Variants in CRYZL1 observed in about 807,000 individuals in gnomAD.
CRYZL1 encodes the protein crystallin zeta like 1.
CRYZL1 carries 34 observed loss-of-function variants against 50.6 expected under a neutral mutation model. That is an observed-to-expected ratio of 0.67 (90% CI 0.51 to 0.89). The LOEUF (loss-of-function observed/expected upper bound fraction) is 0.89. Among genes scored for constraint, CRYZL1 ranks in the 40% least tolerant of loss-of-function variants. The pLI is 0.00. For synonymous variants in CRYZL1, 125 were observed against 134.3 expected (o/e 0.93, Z 0.48); for missense variants, 354 against 402.3 (o/e 0.88, Z 1.03).
chr21:33,603,290 G>A, intron 7 of CRYZL1, 114 bp downstream of exon 7: 1 of 1,295,526 alleles, frequency 7.7e-7, no homozygotes, highest in Non-Finnish European at 1.1e-6. Context: ...TGGAAAAAAA[G>A]TCAATCAATA....
intron 4 of CRYZL1, among the ~76,000 whole-genome samples, chr21:33,619,536 C>T (rs1428442530): frequency 1.3e-5 from 2 of 152,130 alleles, no homozygotes; most frequent in Non-Finnish European, 2.9e-5. Context: ...TTTTATTCTG[C>T]AATATTCGAA....
chr21:33,617,355 T>C (rs989608378), intron 4 of CRYZL1, among the ~76,000 whole-genome samples: 1 of 152,170 alleles, frequency 6.6e-6, no homozygotes, highest in African/African-American at 2.4e-5. Context: ...GTAAAGAAAC[T>C]AATCTATTCT....
chr21:33,593,647 C>T (rs1477012133), intron 11 of CRYZL1, among the ~76,000 whole-genome samples: 1 of 152,114 alleles, frequency 6.6e-6, no homozygotes, highest in African/African-American at 2.4e-5. Context: ...AAGTTATATA[C>T]TATAAGCAGA....
chr21:33,613,226 AT>A (rs2086891922), intron 6 of CRYZL1, among the ~76,000 whole-genome samples: 1 of 152,178 alleles, frequency 6.6e-6, no homozygotes, highest in South Asian at 2.1e-4. Flanking sequence ...GTAAAAAAAA[AT>A]TTTTAATTCT....
intron 6 of CRYZL1, among the ~76,000 whole-genome samples, chr21:33,605,578 G>C (rs1001897639): frequency 9.8e-6 from 1 of 102,276 alleles, no homozygotes; most frequent in Non-Finnish European, 1.8e-5. Flanking sequence ...CTGGAGTGCA[G>C]TGGTGTGATC....
chr21:33,589,881 C>G lies in CRYZL1; in HGVS notation c.991G>C (p.Val331Leu). 6.2e-7 allele frequency: 1 copy of G among 1,612,348 alleles called. No individual in the cohort carries two copies. The highest frequency in any genetic ancestry group is 1.1e-5 in the South Asian group (1 of 90,564). Residue 331 changes from valine to leucine, a missense_variant, in exon 13 of 13, where the codon GTT becomes CTT. Physicochemically the swap from Val to Leu is conservative, Grantham distance 32. Transcript: ENST00000381554. Reference protein sequence around the residue: ...DEPIPLYEAKVSMEAVQKNQG... With the variant: ...DEPIPLYEAKLSMEAVQKNQG... ...TTTTTCTGAACAGCTTCCATGGAAA[C>G]TTTTGCCTCATACAGTGGAATGGGT... is the stretch of plus-strand genomic sequence containing the variant.
At chr21:33,612,430 G>C (rs779469023) in intron 6 of CRYZL1, among the ~76,000 whole-genome samples, 4 of 152,110 alleles carry the variant, frequency 2.6e-5, no homozygotes, top group Non-Finnish European at 5.9e-5. Context: ...GGGATTACAG[G>C]CGTGCGCCAA....
At chr21:33,639,583 T>C (rs2087251970) in intron 1 of CRYZL1, among the ~76,000 whole-genome samples, 1 of 152,182 alleles carries the variant, frequency 6.6e-6, no homozygotes, top group Non-Finnish European at 1.5e-5. Flanking sequence ...CTCCAATCCA[T>C]TTAACTGACT....
chr21:33,603,579 CA>C (rs1381278315), intron 6 of CRYZL1, 42 bp from the exon 7 acceptor site: 2 of 1,609,874 alleles, frequency 1.2e-6, no homozygotes, highest in Middle Eastern at 1.7e-4. Context: ...TAGCAAGTCC[CA>C]CAAGTCCTAC....
chr21:33,630,755 A>T (rs1337398282), intron 2 of CRYZL1, among the ~76,000 whole-genome samples: 1 of 152,230 alleles, frequency 6.6e-6, no homozygotes, highest in East Asian at 1.9e-4. Context: ...AGCGTCCATC[A>T]ACAAATGAAT....
chr21:33,627,407 T>A (rs1044902185), intron 2 of CRYZL1, among the ~76,000 whole-genome samples: 7 of 152,148 alleles, frequency 4.6e-5, no homozygotes, highest in African/African-American at 1.7e-4. Context: ...CCTAAATGTT[T>A]TAGGAGTTAG....
At chr21:33,620,208 A>G (rs913262774) in intron 4 of CRYZL1, among the ~76,000 whole-genome samples, 1 of 152,218 alleles carries the variant, frequency 6.6e-6, no homozygotes, top group African/African-American at 2.4e-5. Flanking sequence ...AAACTCAAAT[A>G]TACTCTAACA....
At position 33,595,830 on chromosome 21, in the gene CRYZL1, G is replaced by T; in HGVS notation, c.805C>A (p.Pro269Thr). 6.2e-7 allele frequency: 1 copy of T among 1,605,392 alleles called. No individual in the cohort carries two copies. The highest frequency in any genetic ancestry group is 8.5e-7 in the Non-Finnish European group (1 of 1,172,012). ...VTTEENLQLD[P>T]PDSHCLFLKG... Reference sequence around the variant, plus strand: ...AGGAAAAGGCAGTGGCTATCTGGAGGATCCAACTTGGATAGAATGAAACAA... The same window carrying T: ...AGGAAAAGGCAGTGGCTATCTGGAGTATCCAACTTGGATAGAATGAAACAA... Residue 269 changes from proline to threonine, a missense_variant, in exon 11 of 13, where the codon CCT (proline) becomes ACT (threonine). Physicochemically the swap from Pro to Thr is conservative, Grantham distance 38 (BLOSUM62 -1). Transcript: ENST00000381554.
chr21:33,592,266 G>A (rs2086652072), intron 11 of CRYZL1, among the ~76,000 whole-genome samples: 1 of 151,254 alleles, frequency 6.6e-6, no homozygotes, highest in African/African-American at 2.4e-5. Context: ...CTCCCAAGTA[G>A]CTGGGACCAC....
At chr21:33,600,460 C>T (rs1052074543) in intron 8 of CRYZL1, among the ~76,000 whole-genome samples, 10 of 152,042 alleles carry the variant, frequency 6.6e-5, no homozygotes, top group African/African-American at 2.4e-4. Context: ...AAGAGAATTC[C>T]TCTTAGAGCT....
chr21:33,595,946 C>A, intron 10 of CRYZL1, 110 bp from the exon 11 acceptor site: 1 of 710,280 alleles, frequency 1.4e-6, no homozygotes, highest in Non-Finnish European at 2.5e-6. Context: ...GTCCAAATCA[C>A]AAAAATATGC....
intron 12 of CRYZL1, among the ~76,000 whole-genome samples, chr21:33,590,565 C>T (rs1387488214): frequency 1.3e-5 from 2 of 152,174 alleles, no homozygotes; most frequent in East Asian, 3.9e-4. Context: ...TGGGCGTTCG[C>T]CACCACGCTC....
intron 2 of CRYZL1, among the ~76,000 whole-genome samples, chr21:33,625,782 C>G (rs1040498764): frequency 6.6e-6 from 1 of 151,962 alleles, no homozygotes; most frequent in Non-Finnish European, 1.5e-5. Flanking sequence ...TAGTGCCCAG[C>G]CCTTAAATTT....
intron 3 of CRYZL1, 77 bp downstream of exon 3, chr21:33,624,606 A>G: frequency 6.4e-7 from 1 of 1,553,764 alleles, no homozygotes. Flanking sequence ...TTGAGAGGTC[A>G]GTTATCGTTA....
Sources: allele counts gnomAD v4.1 joint callset (sites outside exome capture counted in the v4.1 genomes callset), GRCh38; gene constraint gnomAD v4.1.1; transcripts MANE v1.5; gene names NCBI Gene and HGNC (gene_info 2026-07-23, HGNC 2026-07-21).